FBXO38: variants seen among roughly 807,000 people sequenced by gnomAD.
The protein encoded by FBXO38 is F-box protein 38, also known as F-box only protein 38.
Under a neutral mutation model 131.9 loss-of-function variants are expected in FBXO38, and 53 were observed. The ratio of observed to expected loss-of-function variants is 0.40; its 90% CI spans 0.32 to 0.51. FBXO38 has a LOEUF of 0.51. FBXO38 is among the 20% of genes least tolerant of loss of function. The pLI is 0.53. For synonymous variants in FBXO38, 452 were observed against 505.6 expected, an observed-to-expected ratio of 0.89 and a Z score of 1.42; for missense variants, 1,076 against 1,475.6, an observed-to-expected ratio of 0.73 and a Z score of 4.44.
At chr5:148,423,768 T>C (rs570488453) in intron 12 of FBXO38, 79 of 300,632 alleles carry the variant, frequency 2.6e-4, no homozygotes, top group African/African-American at 1.6e-3. Flanking sequence ...TTGATGGGCT[T>C]TCTCCAACAA....
At position 148,404,837 on chromosome 5, in the gene FBXO38, T is replaced by C; in HGVS notation, c.730+15T>C. 6.3e-7 allele frequency: 1 copy of C among 1,578,008 alleles called. No individual in the cohort carries two copies. Among genetic ancestry groups the C allele is most frequent in the African/African-American group, 1.4e-5 (1 of 72,860 alleles). On this transcript the variant is annotated intron_variant, in intron 6 of 21. Coordinates refer to ENST00000340253, the MANE Select transcript of FBXO38 (RefSeq NM_205836.3). ...GAACTGTGCAGGTAATGGTACACAA[T>C]TATGGTGGAATTAAACATAAGTTAT... is the stretch of plus-strand genomic sequence containing the variant.
intron 1 of FBXO38, among the ~76,000 whole-genome samples, chr5:148,386,669 G>T (rs1025453129): frequency 2.0e-5 from 3 of 152,006 alleles, no homozygotes; most frequent in Non-Finnish European, 4.4e-5. Flanking sequence ...AAGCCTATAG[G>T]TAACACCTGG....
At position 148,404,841 on chromosome 5, in the gene FBXO38, G is replaced by A. The variant is rs754487582; in HGVS notation, c.730+19G>A. The A allele has an allele frequency of 6.4e-7, 1 of 1,573,526 alleles. No homozygotes were observed. The highest frequency in any genetic ancestry group is 8.6e-7 in the Non-Finnish European group (1 of 1,167,064). ...TGTGCAGGTAATGGTACACAATTAT[G>A]GTGGAATTAAACATAAGTTATTCTA... is the stretch of plus-strand genomic sequence containing the variant. On this transcript the variant is annotated intron_variant, in intron 6 of 21. Transcript: ENST00000340253.
intron 15 of FBXO38, among the ~76,000 whole-genome samples, chr5:148,430,968 C>T (rs1002861507): frequency 2.6e-5 from 4 of 152,200 alleles, no homozygotes; most frequent in Admixed American, 6.5e-5. Flanking sequence ...CACCCCAAGA[C>T]TGGATTGATC....
In FBXO38 at chr5:148,390,012, C is replaced by T. The variant is rs1039720556; in HGVS notation, c.-63-4702C>T. ...CCATTGCACTCCAGCCTGGGCAACA[C>T]AGCGAGACTCTGTCTTAAAGAAAAA... On this transcript the variant is annotated intron_variant, in intron 1 of 21. Transcript: ENST00000340253. 1.1e-4 allele frequency: 16 copies of T among 149,790 alleles called. 1 individual carries two copies. The highest frequency in any genetic ancestry group is 1.1e-3 in the Admixed American group (16 of 15,000). 9.3% of individuals were successfully genotyped at this position (149,790 alleles called of 1,614,324 possible).
chr5:148,439,548 C>A (rs1478141863), intron 18 of FBXO38, 99 bp from the exon 19 acceptor site: 2 of 1,140,196 alleles, frequency 1.8e-6, no homozygotes, highest in Admixed American at 2.3e-5. Flanking sequence ...CCAGAGATTT[C>A]AAAACTGAAG....
intron 1 of FBXO38, among the ~76,000 whole-genome samples, chr5:148,385,985 T>A (rs1291797392): frequency 6.6e-6 from 1 of 152,120 alleles, no homozygotes; most frequent in Non-Finnish European, 1.5e-5. Context: ...AGGAGAACAC[T>A]TTTTGGAAAC....
chr5:148,398,909 A>C, intron 2 of FBXO38, 90 bp from the exon 3 acceptor site: 1 of 1,367,392 alleles, frequency 7.3e-7, no homozygotes, highest in Non-Finnish European at 1.0e-6. Context: ...TTTGAGTGGT[A>C]GGAGATTGGA....
rs760456022 is a variant in FBXO38, at chr5:148,399,043, G to A, written c.173G>A (p.Arg58Gln). 22 of 1,613,348 alleles carry A rather than the reference G, an allele frequency of 1.4e-5. No homozygotes were observed. Among genetic ancestry groups the A allele is most frequent in the Admixed American group, 3.3e-5 (2 of 59,902 alleles). Residue 58 changes from arginine (R) to glutamine (Q), a missense_variant, in exon 3 of 22, where the codon CGG becomes CAG. Coordinates refer to ENST00000340253, the MANE Select transcript of FBXO38 (RefSeq NM_205836.3). ...ATCATGTGTATGGAATGTCTTTCCC[G>A]GAAGCTAAAGGAAGCAGTGACCCTA... ...QDIMCMECLS[R>Q]KLKEAVTLYL...
intron 3 of FBXO38, among the ~76,000 whole-genome samples, chr5:148,400,729 T>C (rs1229694202): frequency 1.3e-5 from 2 of 152,108 alleles, no homozygotes; most frequent in Non-Finnish European, 2.9e-5. Context: ...CCCATTTCTC[T>C]CGTGGGAGGC....
Position 148,410,617 on chromosome 5 carries a change from C to T in FBXO38, c.963-18C>T, listed in dbSNP as rs199666474. On this transcript the variant is annotated intron_variant, in intron 8 of 21. Coordinates refer to ENST00000340253, the MANE Select transcript of FBXO38 (RefSeq NM_205836.3). ...GGTTTTTGTTTTACTCTGATATGTT[C>T]TCTGTCTTTATTCACAGGTTACATG... is the stretch of plus-strand genomic sequence containing the variant. 1.2e-6 allele frequency: 2 copies of T among 1,613,500 alleles called. No individual in the cohort carries two copies. The highest frequency in any genetic ancestry group is 4.5e-5 in the East Asian group (2 of 44,834).
At chr5:148,405,251 G>C (rs368412166) in intron 6 of FBXO38, among the ~76,000 whole-genome samples, 13 of 151,976 alleles carry the variant, frequency 8.6e-5, no homozygotes, top group Non-Finnish European at 1.6e-4. Flanking sequence ...TTCAACCCAC[G>C]GTCCACTGGC....
At chr5:148,416,903 A>G (rs540045529) in intron 11 of FBXO38, 91 bp from the exon 12 acceptor site, 1 of 741,650 alleles carries the variant, frequency 1.3e-6, no homozygotes, top group East Asian at 2.7e-5. Context: ...AATATTAGTT[A>G]TAATGTAAAG....
chr5:148,431,275 AC>A (rs1754029860), intron 15 of FBXO38, among the ~76,000 whole-genome samples: 9 of 152,232 alleles, frequency 5.9e-5, no homozygotes, highest in Admixed American at 4.6e-4. Flanking sequence ...TTGTCTCTAA[AC>A]AGGGAGGGAG....
intron 12 of FBXO38, among the ~76,000 whole-genome samples, chr5:148,417,445 C>T (rs1372611847): frequency 6.6e-6 from 1 of 152,058 alleles, no homozygotes; most frequent in Non-Finnish European, 1.5e-5. Context: ...TTACAGATGC[C>T]AGGGGAATTA....
chr5:148,419,339 T>C (rs1014012674), intron 12 of FBXO38, among the ~76,000 whole-genome samples: 40 of 151,648 alleles, frequency 2.6e-4, no homozygotes, highest in African/African-American at 8.5e-4. Context: ...TAAACATGTA[T>C]ACACACACAC....
At chr5:148,390,273 G>A (rs144321589) in intron 1 of FBXO38, among the ~76,000 whole-genome samples, 5 of 152,194 alleles carry the variant, frequency 3.3e-5, no homozygotes, top group Admixed American at 6.5e-5. Flanking sequence ...TTTTTTGACC[G>A]AGGAAGCTTT....
chr5:148,424,455 A>G (rs1404672115), intron 13 of FBXO38, among the ~76,000 whole-genome samples: 2 of 152,196 alleles, frequency 1.3e-5, no homozygotes, highest in African/African-American at 4.8e-5. Context: ...CCCTCCCCTC[A>G]ATTCAGTTAG....
rs1000451065 is a variant in FBXO38 at position 148,407,593 on chromosome 5, AT to A, written c.868+1212del. Among the ~76,000 whole-genome samples, 840 of 147,024 alleles carry A rather than the reference AT, an allele frequency of 5.7e-3. 5 individuals carry two copies. Among genetic ancestry groups the A allele is most frequent in the African/African-American group, 0.017 (704 of 40,326 alleles). On this transcript the variant is annotated intron_variant, in intron 7 of 21. Transcript: ENST00000340253. ...TAAATTGTACCAAATTAAAATTAAA[AT>A]TTTTTTTTTTTTGTCCATCAAAAGG... is the stretch of plus-strand genomic sequence containing the variant.
Sources: gnomAD v4.1 joint callset for allele counts (sites outside exome capture counted in the v4.1 genomes callset) on GRCh38, gnomAD v4.1.1 for gene constraint, MANE v1.5 for transcripts, NCBI Gene and HGNC (gene_info 2026-07-23, HGNC 2026-07-21) for gene names.